The following SREK1 variants were observed in gnomAD, a reference collection of about 807,000 sequenced individuals.
The protein encoded by SREK1 is splicing regulatory glutamine/lysine-rich protein 1.
SREK1 carries 13 observed loss-of-function variants against 66.5 expected under a neutral mutation model. The ratio of observed to expected loss-of-function variants is 0.20; its 90% CI spans 0.13 to 0.31. The LOEUF (loss-of-function observed/expected upper bound fraction) is 0.31, where lower values mean the gene tolerates loss of function less well. Among genes scored for constraint, SREK1 ranks in the 10% least tolerant of loss-of-function variants. SREK1 has a pLI of 1.00. For synonymous variants in SREK1, 265 were observed against 263.5 expected, an observed-to-expected ratio of 1.01 and a Z score of -0.05; for missense variants, 607 against 769.6, an observed-to-expected ratio of 0.79 and a Z score of 2.50.
At chr5:66,176,160 C>G (rs1378340063) in intron 10 of SREK1, among the ~76,000 whole-genome samples, 3 of 152,060 alleles carry the variant, frequency 2.0e-5, no homozygotes, top group South Asian at 2.1e-4. Flanking sequence ...CGTGTTGTTG[C>G]AGTACCATTT....
At chr5:66,171,878 A>G (rs993747570) in intron 9 of SREK1, among the ~76,000 whole-genome samples, 8 of 152,064 alleles carry the variant, frequency 5.3e-5, no homozygotes, top group African/African-American at 1.9e-4. Context: ...AATCCTCACA[A>G]CAGGCCTGGG....
chr5:66,176,626 A>G (rs1746075871), intron 10 of SREK1, among the ~76,000 whole-genome samples: 1 of 152,120 alleles, frequency 6.6e-6, no homozygotes, highest in Non-Finnish European at 1.5e-5. Flanking sequence ...ATGGCTGTAG[A>G]CAAGGAATGT....
chr5:66,170,730 A>G lies in SREK1; in HGVS notation c.1267A>G (p.Lys423Glu), dbSNP rs757234200. The G allele has an allele frequency of 5.6e-6, 9 of 1,602,568 alleles. No individual in the cohort carries two copies. Among genetic ancestry groups the G allele is most frequent in the Non-Finnish European group, 6.8e-6 (8 of 1,173,838 alleles). ...CAAAGACCGGGACAAGGAACGGGAA[A>G]AGGACCGGGAAAAAGACAAGGAAAA... ...KNKDRDKERE[K>E]DREKDKEKDR... The change falls in exon 9 of 12, where the codon AAG becomes GAG. Residue 423 changes from lysine to glutamate, a missense_variant. By Grantham distance (56) the Lys-to-Glu change is moderately conservative. Transcript: ENST00000334121.
intron 6 of SREK1, 115 bp from the exon 7 acceptor site, chr5:66,164,665 GGAT>G: frequency 1.3e-6 from 2 of 1,594,194 alleles, no homozygotes; most frequent in Non-Finnish European, 1.7e-6. Flanking sequence ...TGAAGGAGGA[GGAT>G]GTACAGAGAG....
intron 6 of SREK1, chr5:66,164,499 A>C: frequency 8.7e-7 from 1 of 1,154,654 alleles, no homozygotes; most frequent in Non-Finnish European, 1.2e-6. Context: ...GAAAGGACTT[A>C]AAATCACTGT....
chr5:66,157,664 T>G (rs1744406107), intron 2 of SREK1: 1 of 970,012 alleles, frequency 1.0e-6, no homozygotes, highest in African/African-American at 1.8e-5. Context: ...TACCTGCCTT[T>G]TGTTGATGCA....
chr5:66,158,750 G>T, intron 2 of SREK1: 4 of 1,215,364 alleles, frequency 3.3e-6, no homozygotes, highest in South Asian at 1.4e-5. Context: ...GCCATTTCTG[G>T]GGATTAAACT....
In SREK1 at chr5:66,181,854, C is replaced by G. The variant is rs1328318709; in HGVS notation, c.*2986C>G. The G allele has an allele frequency of 3.2e-5, 4 of 125,962 alleles. No homozygotes were observed. The highest frequency in any genetic ancestry group is 6.3e-5 in the Non-Finnish European group (4 of 63,558). The allele number at this position is 125,962 out of a possible 1,614,324, so 7.8% of individuals were successfully genotyped here. A position where few individuals can be genotyped will look rare whatever the true frequency, so the allele number is the denominator to read the frequency against. On this transcript the variant is annotated 3_prime_UTR_variant, in exon 12 of 12. Coordinates refer to ENST00000334121, the MANE Select transcript of SREK1 (RefSeq NM_001077199.3). The stretch of plus-strand genomic sequence containing the variant: ...CCAGAGGCTTAAATTTTGACCTGCT[C>G]AATTAAAAATAAACACTGGCGTTTA...
chr5:66,156,390 T>C (rs1213513723), intron 2 of SREK1: 10 of 1,166,400 alleles, frequency 8.6e-6, no homozygotes, highest in Non-Finnish European at 1.1e-5. Context: ...TATTGGGAGA[T>C]GATTAGTAGA....
chr5:66,163,092 C>T (rs1744897452), intron 5 of SREK1: 1 of 152,126 alleles, frequency 6.6e-6, no homozygotes, highest in Non-Finnish European at 1.5e-5. Flanking sequence ...TCGAGATACT[C>T]CAGACCAGAA....
intron 8 of SREK1, 110 bp from the exon 9 acceptor site, chr5:66,170,475 C>T: frequency 7.5e-7 from 1 of 1,326,916 alleles, no homozygotes; most frequent in East Asian, 2.3e-5. Context: ...ATGTAAATGT[C>T]TGTAGGTACT....
Position 66,177,635 on chromosome 5 carries a change from GAGA to G in SREK1, c.1707_1709del (p.Lys569del), listed in dbSNP as rs780022070. 3.1e-6 allele frequency: 5 copies of G among 1,605,136 alleles called. No individual in the cohort carries two copies. In the Admixed American group the frequency reaches 5.2e-5, roughly 17 times the overall value. ...TGATAGAGATGGGAAGGAGAAGTTG[GAGA>G]AGAACAGTACTTCACTTAAAGTAAG... On this transcript the variant is annotated inframe_deletion, in exon 11 of 12. Transcript: ENST00000334121.
rs1746644811 is a variant in SREK1 at position 66,183,276 on chromosome 5, GTT to G, written c.*4409_*4410del. Reference sequence around the variant, plus strand: ...CATAAAAATCACACTGAAAGAATAGGTTGATTTCAACCATTTTGAGGGTACTG... The same window carrying G: ...CATAAAAATCACACTGAAAGAATAGGGATTTCAACCATTTTGAGGGTACTG... On this transcript the variant is annotated 3_prime_UTR_variant, in exon 12 of 12. Coordinates refer to ENST00000334121, the MANE Select transcript of SREK1 (RefSeq NM_001077199.3). The G allele has an allele frequency of 6.6e-6, 1 of 152,110 alleles. No homozygotes were observed. Among genetic ancestry groups the G allele is most frequent in the Non-Finnish European group, 1.5e-5 (1 of 68,010 alleles). The allele number at this position is 152,110 out of a possible 1,614,324, so 9.4% of individuals were successfully genotyped here.
At chr5:66,171,104 AGAGTGGG>A (rs1333812663) in intron 9 of SREK1, among the ~76,000 whole-genome samples, 157 bp downstream of exon 9, 1 of 152,220 alleles carries the variant, frequency 6.6e-6, no homozygotes, top group Non-Finnish European at 1.5e-5. Context: ...TTTCTCTAGC[AGAGTGGG>A]GAAAGAGATG....
chr5:66,144,605 A>G (rs1561488658), intron 1 of SREK1, 68 bp downstream of exon 1: 7 of 1,483,924 alleles, frequency 4.7e-6, no homozygotes, highest in Non-Finnish European at 4.5e-6. Flanking sequence ...CGAGGCGTGG[A>G]GGAGAGCGCG....
Position 66,183,440 on chromosome 5 carries a change from T to A in SREK1, c.*4572T>A, listed in dbSNP as rs1746658030. The A allele has an allele frequency of 6.6e-6, 1 of 152,136 alleles. No individual in the cohort carries two copies. Among genetic ancestry groups the A allele is most frequent in the Admixed American group, 6.5e-5 (1 of 15,272 alleles). 9.4% of individuals were successfully genotyped at this position (152,136 alleles called of 1,614,324 possible). A position where few individuals can be genotyped will look rare whatever the true frequency, so the allele number is the denominator to read the frequency against. ...AAAATTACCTCCTTAATGATTAGAT[T>A]AATAGAACAGTGTTAGATTATCAAG... On this transcript the variant is annotated 3_prime_UTR_variant, in exon 12 of 12. Coordinates refer to ENST00000334121, the MANE Select transcript of SREK1 (RefSeq NM_001077199.3).
chr5:66,166,744 T>A (rs1047189684), intron 7 of SREK1: 1 of 152,214 alleles, frequency 6.6e-6, no homozygotes, highest in African/African-American at 2.4e-5. Context: ...GCTGGGATTA[T>A]AGGCATGGTA....
In SREK1 at chr5:66,177,602, A is replaced by G. The variant is rs1428606407; in HGVS notation, c.1669A>G (p.Ser557Gly). 1 of 1,611,206 alleles carries G rather than the reference A, an allele frequency of 6.2e-7. No individual in the cohort carries two copies. The highest frequency in any genetic ancestry group is 1.7e-5 in the Admixed American group (1 of 59,678). ...ERERSTSMRKSSNDRDGKEKL... is the reference protein window; with the variant it reads ...ERERSTSMRKGSNDRDGKEKL... ...AGAACGTTCAACGTCTATGAGAAAGAGTTCTAATGATAGAGATGGGAAGGA... is the reference window on the plus strand; with the variant it reads ...AGAACGTTCAACGTCTATGAGAAAGGGTTCTAATGATAGAGATGGGAAGGA... The change falls in exon 11 of 12, where the codon AGT becomes GGT. Residue 557 changes from serine (S) to glycine (G), a missense_variant. By Grantham distance (56) the Ser-to-Gly change is moderately conservative. Transcript: ENST00000334121.
rs1034917185 is a variant in SREK1 at position 66,179,264 on chromosome 5, T to C, written c.*396T>C. ...GCTAGTTACTGAATTTTGTATTGTT[T>C]TACTTTTTTTTTTATTTCAATATAT... On this transcript the variant is annotated 3_prime_UTR_variant, in exon 12 of 12. Coordinates refer to ENST00000334121, the MANE Select transcript of SREK1 (RefSeq NM_001077199.3). 1.3e-5 allele frequency: 2 copies of C among 154,912 alleles called. No individual in the cohort carries two copies. The highest frequency in any genetic ancestry group is 4.8e-5 in the African/African-American group (2 of 41,498). The allele number at this position is 154,912 out of a possible 1,614,324, so 9.6% of individuals were successfully genotyped here.
Sources: allele counts gnomAD v4.1 joint callset (sites outside exome capture counted in the v4.1 genomes callset), GRCh38; gene constraint gnomAD v4.1.1; transcripts MANE v1.5; gene names NCBI Gene and HGNC (gene_info 2026-07-23, HGNC 2026-07-21).